DDHD2: variants seen among roughly 807,000 people sequenced by gnomAD.
The protein encoded by DDHD2 is triacylglycerol hydrolase DDHD2.
DDHD2 carries 62 observed loss-of-function variants against 91.2 expected under a neutral mutation model. The ratio of observed to expected loss-of-function variants is 0.68; its 90% confidence interval spans 0.55 to 0.84. DDHD2 has a LOEUF of 0.84. Among genes scored for constraint, DDHD2 ranks in the 40% least tolerant of loss-of-function variants. The pLI, the probability that DDHD2 is intolerant of heterozygous loss-of-function variation, is 0.00. For missense variants in DDHD2, 740 were observed against 846.9 expected, an observed-to-expected ratio of 0.87 and a Z score of 1.57; for synonymous variants, 271 against 293.9, an observed-to-expected ratio of 0.92 and a Z score of 0.80.
intron 7 of DDHD2, among the ~76,000 whole-genome samples, chr8:38,243,962 C>T (rs931538524): frequency 6.6e-6 from 1 of 152,006 alleles, no homozygotes; most frequent in African/African-American, 2.4e-5. Flanking sequence ...CGCCACCATG[C>T]CTGGCTAATT....
intron 9 of DDHD2, 62 bp from the exon 10 acceptor site, chr8:38,247,651 A>G: frequency 8.9e-7 from 1 of 1,120,904 alleles, no homozygotes; most frequent in Non-Finnish European, 1.2e-6. Context: ...CTTTACTGCA[A>G]AATAGTATTA....
rs1380653301 is a variant in DDHD2, at chr8:38,262,134, G to A, written c.*1561G>A. 1 of 152,158 alleles carries A rather than the reference G, an allele frequency of 6.6e-6. No individual in the cohort carries two copies. The highest frequency in any genetic ancestry group is 2.1e-4 in the South Asian group (1 of 4,826). The allele number at this position is 152,158 out of a possible 1,614,324, so 9.4% of individuals were successfully genotyped here. A position where few individuals can be genotyped will look rare whatever the true frequency, so the allele number is the denominator to read the frequency against. On this transcript the variant is annotated 3_prime_UTR_variant, in exon 18 of 18. Transcript: ENST00000397166. Reference sequence around the variant, plus strand: ...TCATCTGCTTATAGTCTAGTGCTAAGTATGCCACTAAGTTTCAGATATATG... The same window carrying A: ...TCATCTGCTTATAGTCTAGTGCTAAATATGCCACTAAGTTTCAGATATATG...
chr8:38,248,642 C>G (rs1805845291), intron 10 of DDHD2, among the ~76,000 whole-genome samples: 1 of 151,962 alleles, frequency 6.6e-6, no homozygotes, highest in African/African-American at 2.4e-5. Flanking sequence ...AGGAAGGCTT[C>G]CCTAATCAAA....
downstream of DDHD2, chr8:38,266,526 G>C (rs1204244416): frequency 2.3e-5 from 11 of 471,328 alleles, no homozygotes; most frequent in South Asian, 2.7e-4. Context: ...TTAGCCTCCC[G>C]AGTAGCTGGG....
chr8:38,252,677 C>T (rs1563312296), intron 13 of DDHD2, 45 bp from the exon 14 acceptor site: 2 of 1,270,258 alleles, frequency 1.6e-6, no homozygotes, highest in Non-Finnish European at 2.3e-6. Context: ...AGTTTCCAGA[C>T]TGTGCTTAGC....
intron 3 of DDHD2, among the ~76,000 whole-genome samples, chr8:38,235,713 C>T (rs1322375752): frequency 6.8e-6 from 1 of 147,432 alleles, no homozygotes; most frequent in Non-Finnish European, 1.5e-5. Flanking sequence ...GAGCAAAACT[C>T]CATCTCAAAA....
chr8:38,232,935 G>A (rs1266228792), intron 1 of DDHD2, 52 bp from the exon 2 acceptor site: 6 of 1,331,198 alleles, frequency 4.5e-6, no homozygotes, highest in East Asian at 2.4e-5. Flanking sequence ...GTGTGTGTGC[G>A]AACAGTTACA....
Position 38,253,652 on chromosome 8 carries a change from T to C in DDHD2, c.1988T>C (p.Leu663Pro). ...LNGGQRIDYV[L>P]QEKPIESFNE... The stretch of plus-strand genomic sequence containing the variant: ...GGAGGCCAACGCATTGACTATGTGC[T>C]ACAGGAGAAGCCTATTGAAAGTTTT... The change falls in exon 16 of 18, where the codon CTA (leucine) becomes CCA (proline). Residue 663 changes from leucine (L) to proline (P), a missense_variant. Physicochemically the swap from Leu to Pro is moderately conservative, Grantham distance 98. Around this residue, in one of 2 missense-constraint regions of DDHD2, gnomAD observed 47 missense variants for 82.6 expected, o/e 0.57. Transcript: ENST00000397166. The C allele has an allele frequency of 6.2e-7, 1 of 1,614,186 alleles. No homozygotes were observed. Among genetic ancestry groups the C allele is most frequent in the Non-Finnish European group, 8.5e-7 (1 of 1,179,980 alleles).
At position 38,232,967 on chromosome 8, in the gene DDHD2, T is replaced by C. The variant is rs1563294666; in HGVS notation, c.-8-20T>C. 1 of 1,597,528 alleles carries C rather than the reference T, an allele frequency of 6.3e-7. No homozygotes were observed. Among genetic ancestry groups the C allele is most frequent in the African/African-American group, 1.3e-5 (1 of 74,462 alleles). On this transcript the variant is annotated intron_variant, in intron 1 of 17. Coordinates refer to ENST00000397166, the MANE Select transcript of DDHD2 (RefSeq NM_015214.3). ...TACACAGTTAAGTTCGTTTTCCTGA[T>C]AGTTTTCTTTTGTCTTTAGAGAGCG... is the stretch of plus-strand genomic sequence containing the variant.
intron 1 of DDHD2, chr8:38,269,153 A>C (rs1208821857): frequency 3.3e-6 from 5 of 1,515,008 alleles, no homozygotes; most frequent in African/African-American, 1.4e-5. Context: ...CGCGAGCCGC[A>C]CGCCCACTTC....
chr8:38,268,739 G>C, intron 1 of DDHD2: 9 of 1,432,534 alleles, frequency 6.3e-6, no homozygotes, highest in Non-Finnish European at 8.2e-6. Context: ...TTAAACACTC[G>C]AGCCCTAGGA....
At chr8:38,232,912 T>A (rs972311370) in intron 1 of DDHD2, 75 bp from the exon 2 acceptor site, 28 of 929,974 alleles carry the variant, frequency 3.0e-5, no homozygotes, top group Non-Finnish European at 4.9e-6. Context: ...GTAAAATGAT[T>A]AGTTTTGTGC....
intron 1 of DDHD2, chr8:38,271,006 T>TC (rs1808452904): frequency 6.6e-6 from 1 of 152,204 alleles, no homozygotes; most frequent in South Asian, 2.1e-4. Flanking sequence ...TTTGTTTTTT[T>TC]CCCTACATAG....
chr8:38,238,617 T>C, intron 5 of DDHD2: 3 of 987,910 alleles, frequency 3.0e-6, no homozygotes, highest in Non-Finnish European at 3.6e-6. Context: ...GGGTCACTTA[T>C]GGTTTTATAA....
At chr8:38,246,418 A>G (rs1423518906) in intron 9 of DDHD2, 118 bp downstream of exon 9, 2 of 677,660 alleles carry the variant, frequency 3.0e-6, no homozygotes, top group African/African-American at 3.7e-5. Context: ...TTACATTTAC[A>G]CTTATTTTCA....
chr8:38,259,184 T>C (rs1347026234), intron 16 of DDHD2, among the ~76,000 whole-genome samples: 1 of 151,916 alleles, frequency 6.6e-6, no homozygotes, highest in Non-Finnish European at 1.5e-5. Context: ...ATGATCTCTG[T>C]GGAAAAGGAA....
At chr8:38,233,754 C>T (rs1804476352) in intron 2 of DDHD2, among the ~76,000 whole-genome samples, 1 of 151,870 alleles carries the variant, frequency 6.6e-6, no homozygotes, top group South Asian at 2.1e-4. Flanking sequence ...AATGGTGAAA[C>T]CCCTTCTCTA....
At chr8:38,241,704 C>G (rs1171882730) in intron 6 of DDHD2, among the ~76,000 whole-genome samples, 6 of 149,318 alleles carry the variant, frequency 4.0e-5, no homozygotes, top group Non-Finnish European at 7.4e-5. Context: ...CAGGCATGAG[C>G]CACTGCTCCT....
At chr8:38,268,017 G>A in intron 1 of DDHD2, 1 of 1,613,156 alleles carries the variant, frequency 6.2e-7, no homozygotes, top group East Asian at 2.2e-5. Context: ...GTATGGTCAT[G>A]GCCTCGTTAT....
Sources: allele counts gnomAD v4.1 joint callset (sites outside exome capture counted in the v4.1 genomes callset), GRCh38; gene constraint gnomAD v4.1.1; regional missense constraint gnomAD v4.1.1; transcripts MANE v1.5; gene names NCBI Gene and HGNC (gene_info 2026-07-23, HGNC 2026-07-21).